The following ADAM23 variants were observed in gnomAD, a reference collection of about 807,000 sequenced individuals.
ADAM23 encodes the protein ADAM metallopeptidase domain 23.
ADAM23 carries 33 observed loss-of-function variants against 120.1 expected under a neutral mutation model. That is an observed-to-expected ratio of 0.27 (90% CI 0.21 to 0.37). The LOEUF (loss-of-function observed/expected upper bound fraction) is 0.37, where lower values mean the gene tolerates loss of function less well. ADAM23 is among the 10% of genes least tolerant of loss of function. The pLI is 1.00. For synonymous variants in ADAM23, 367 were observed against 375.2 expected, an observed-to-expected ratio of 0.98 and a Z score of 0.25; for missense variants, 862 against 1,058.2, an observed-to-expected ratio of 0.81 and a Z score of 2.57.
Position 206,570,726 on chromosome 2 carries a change from C to T in ADAM23, c.1495-14C>T, listed in dbSNP as rs1290031092. 2.5e-6 allele frequency: 4 copies of T among 1,611,486 alleles called. No homozygotes were observed. Among genetic ancestry groups the T allele is most frequent in the East Asian group, 4.5e-5 (2 of 44,828 alleles). ...AATTGAAACATTTTTCCCTTCTGTCCCTAATCTCTTTAGCTATTTGAGCCC... is the reference window on the plus strand; with the variant it reads ...AATTGAAACATTTTTCCCTTCTGTCTCTAATCTCTTTAGCTATTTGAGCCC... On this transcript the variant is annotated splice_polypyrimidine_tract_variant and intron_variant, in intron 15 of 25. Transcript: ENST00000264377.
At chr2:206,612,888 A>C (rs188246114) in intron 25 of ADAM23, among the ~76,000 whole-genome samples, 42 of 152,346 alleles carry the variant, frequency 2.8e-4, no homozygotes, top group South Asian at 4.1e-4. Flanking sequence ...TTTAAATTAC[A>C]TACTTCCTTT....
At chr2:206,576,864 C>G (rs3770978) in intron 18 of ADAM23, among the ~76,000 whole-genome samples, 128,519 of 152,206 alleles carry the variant, frequency 0.84, 54,401 homozygotes, top group African/African-American at 0.89. Context: ...TGAAAGATAG[C>G]AGAAATAGGA....
intron 3 of ADAM23, among the ~76,000 whole-genome samples, chr2:206,508,672 A>T (rs1415470800): frequency 6.8e-6 from 1 of 147,220 alleles, no homozygotes; most frequent in East Asian, 2.0e-4. Context: ...AAAAAAAAAA[A>T]GAAAGAAAAA....
At chr2:206,567,900 GGA>G (rs989743789) in intron 15 of ADAM23, among the ~76,000 whole-genome samples, 1 of 152,168 alleles carries the variant, frequency 6.6e-6, no homozygotes, top group Admixed American at 6.5e-5. Context: ...CAAGGTGGCA[GGA>G]GAGAGAGAAA....
chr2:206,596,006 A>G (rs1464213070), intron 23 of ADAM23, 45 bp from the exon 24 acceptor site: 1 of 1,459,722 alleles, frequency 6.9e-7, no homozygotes, highest in African/African-American at 1.4e-5. Context: ...CTATTATTCT[A>G]CAAAATACAG....
intron 3 of ADAM23, among the ~76,000 whole-genome samples, chr2:206,499,922 A>T (rs1696352448): frequency 6.6e-6 from 1 of 152,168 alleles, no homozygotes; most frequent in African/African-American, 2.4e-5. Context: ...CAAGGTTTTC[A>T]GGTTGGCGGA....
intron 12 of ADAM23, among the ~76,000 whole-genome samples, chr2:206,561,675 C>T (rs897777200): frequency 2.0e-5 from 3 of 152,048 alleles, no homozygotes; most frequent in Admixed American, 2.0e-4. Context: ...CACCTATTTC[C>T]TTAATCTCAT....
In ADAM23 at chr2:206,549,335, GT is replaced by G. The variant is rs1349864386; in HGVS notation, c.868-756del. ...ATAAAGATGTGGTTGGTAATAATAT[GT>G]TTTACAATGGCTGCTGTTCTTTCCC... On this transcript the variant is annotated intron_variant, in intron 8 of 25. Coordinates refer to ENST00000264377, the MANE Select transcript of ADAM23 (RefSeq NM_003812.4). Among the ~76,000 whole-genome samples, 4 of 151,288 alleles carry G rather than the reference GT, an allele frequency of 2.6e-5. No individual in the cohort carries two copies. In the East Asian group the frequency reaches 5.8e-4, roughly 22 times the overall value.
In ADAM23 at chr2:206,573,132, T is replaced by C. The variant is rs1698038687; in HGVS notation, c.1674T>C (p.Tyr558=). ...ATTTGCAGTTTCAGCCACGAGGGTA[T>C]GAATGCCGGGATGCTGTGAACGAGT... ...NTSCLFQPRG[Y]ECRDAVNECD... is the part of the protein sequence containing the mutation. The change falls in exon 18 of 26, where the codon TAT becomes TAC. Residue 558 remains tyrosine, a synonymous_variant. Coordinates refer to ENST00000264377, the MANE Select transcript of ADAM23 (RefSeq NM_003812.4). 6.2e-7 allele frequency: 1 copy of C among 1,614,048 alleles called. No individual in the cohort carries two copies. The highest frequency in any genetic ancestry group is 8.5e-7 in the Non-Finnish European group (1 of 1,179,912).
At chr2:206,571,671 T>C (rs1369591486) in intron 16 of ADAM23, 56 bp from the exon 17 acceptor site, 1 of 1,288,880 alleles carries the variant, frequency 7.8e-7, no homozygotes, top group Non-Finnish European at 1.1e-6. Flanking sequence ...GTGGAGAGAA[T>C]ATGAATGACC....
chr2:206,456,259 G>A (rs1695297361), intron 2 of ADAM23, among the ~76,000 whole-genome samples: 2 of 151,978 alleles, frequency 1.3e-5, no homozygotes, highest in Non-Finnish European at 2.9e-5. Flanking sequence ...GCAAGCAAGG[G>A]GGGAAGTGCC....
chr2:206,443,727 C>CCAGCG lies in ADAM23; in HGVS notation c.-140_-139insCAGCG. ...CCGCCCAGCCCCGAGCCCCGCGCCCCGTGCCCCGAGCCCGGAGCCCCCTGC... is the reference window on the plus strand; with the variant it reads ...CCGCCCAGCCCCGAGCCCCGCGCCCCCAGCGGTGCCCCGAGCCCGGAGCCCCCTGC... On this transcript the variant is annotated 5_prime_UTR_variant, in exon 1 of 26. Coordinates refer to ENST00000264377, the MANE Select transcript of ADAM23 (RefSeq NM_003812.4). 1 of 249,212 alleles carries CCAGCG rather than the reference C, an allele frequency of 4.0e-6. No homozygotes were observed. The highest frequency in any genetic ancestry group is 6.3e-6 in the Non-Finnish European group (1 of 158,920). 15.4% of individuals were successfully genotyped at this position (249,212 alleles called of 1,614,324 possible). A position where few individuals can be genotyped will look rare whatever the true frequency, so the allele number is the denominator to read the frequency against.
In ADAM23 at chr2:206,488,228, G is replaced by C. The variant is rs75348014; in HGVS notation, c.509+6920G>C. On this transcript the variant is annotated intron_variant, in intron 3 of 25. Coordinates refer to ENST00000264377, the MANE Select transcript of ADAM23 (RefSeq NM_003812.4). ...TTTATTGAGCTTCTCGTTTGCGTAAGACACTGTGCTGAGCAACACGGGGGA... is the reference window on the plus strand; with the variant it reads ...TTTATTGAGCTTCTCGTTTGCGTAACACACTGTGCTGAGCAACACGGGGGA... Among the ~76,000 whole-genome samples the C allele has an allele frequency of 9.9e-3, 1,502 of 152,310 alleles. 17 individuals carry two copies. Among genetic ancestry groups the C allele is most frequent in the Non-Finnish European group, 0.016 (1,117 of 68,036 alleles).
chr2:206,582,492 G>A lies in ADAM23; in HGVS notation c.1738-4833G>A, dbSNP rs189388746. On this transcript the variant is annotated intron_variant, in intron 18 of 25. Transcript: ENST00000264377. ...TGGTTGGTGAGTTCTTATCCATTCT[G>A]TGCTTCTGTATCTTTTAAGTGGAAC... Among the ~76,000 whole-genome samples, 7 of 152,188 alleles carry A rather than the reference G, an allele frequency of 4.6e-5. No homozygotes were observed. The East Asian group carries it at 1.4e-3, about 29-fold the overall frequency.
intron 25 of ADAM23, among the ~76,000 whole-genome samples, chr2:206,616,823 T>C (rs910040906): frequency 4.6e-5 from 7 of 152,190 alleles, no homozygotes; most frequent in African/African-American, 1.7e-4. Context: ...AACCAACTTT[T>C]ACTGTTGCCT....
intron 8 of ADAM23, among the ~76,000 whole-genome samples, chr2:206,549,402 G>A (rs1697466472): frequency 1.3e-5 from 2 of 151,734 alleles, no homozygotes; most frequent in South Asian, 4.2e-4. Context: ...CAATGACTAT[G>A]TACATAAAGA....
intron 2 of ADAM23, among the ~76,000 whole-genome samples, chr2:206,450,808 C>T (rs144066850): frequency 3.9e-5 from 6 of 152,264 alleles, no homozygotes; most frequent in Admixed American, 3.3e-4. Flanking sequence ...CAGATTTACA[C>T]ATAGTAGGTG....
chr2:206,517,800 C>G (rs1355249068), intron 3 of ADAM23, among the ~76,000 whole-genome samples: 2 of 152,172 alleles, frequency 1.3e-5, no homozygotes, highest in East Asian at 3.8e-4. Context: ...GTTCCTGGAA[C>G]TGATACTGAT....
At chr2:206,531,338 G>T (rs1240255726) in intron 4 of ADAM23, among the ~76,000 whole-genome samples, 1 of 152,176 alleles carries the variant, frequency 6.6e-6, no homozygotes, top group Non-Finnish European at 1.5e-5. Context: ...AAGGGCAGAG[G>T]ACAGGTGGGG....
Sources: allele counts gnomAD v4.1 joint callset (sites outside exome capture counted in the v4.1 genomes callset), GRCh38; gene constraint gnomAD v4.1.1; transcripts MANE v1.5; gene names NCBI Gene and HGNC (gene_info 2026-07-23, HGNC 2026-07-21).